The following DRC3 variants were observed in gnomAD, a reference collection of about 807,000 sequenced individuals.
DRC3 encodes the protein dynein regulatory complex subunit 3.
DRC3 carries 45 observed loss-of-function variants against 57.6 expected under a neutral mutation model. The ratio of observed to expected loss-of-function variants is 0.78; its 90% CI spans 0.62 to 1.00. The LOEUF is 1.00. Ranked by LOEUF, DRC3 falls within the 50% of genes least tolerant of loss-of-function variation. The pLI is 0.00. For synonymous variants in DRC3, 257 were observed against 272.3 expected (o/e 0.94, Z 0.55); for missense variants, 655 against 675.2 (o/e 0.97, Z 0.33).
chr17:18,013,071 C>G (rs770288610), intron 12 of DRC3, among the ~76,000 whole-genome samples: 4 of 152,134 alleles, frequency 2.6e-5, no homozygotes, highest in African/African-American at 9.7e-5. Flanking sequence ...CACTAGTTAT[C>G]AGGGAAATGC....
Position 18,007,150 on chromosome 17 carries a change from A to AGGCGGGGCGGGCGGAGCAT in DRC3, c.1326+15_1326+16insGGAGCATGGCGGGGCGGGC. Reference sequence around the variant, plus strand: ...ACCTGCCTAACGACCTGCGCGCGGTAGGCGGGGCGGGCTGCTCGGAGCCTG... The same window carrying AGGCGGGGCGGGCGGAGCAT: ...ACCTGCCTAACGACCTGCGCGCGGTAGGCGGGGCGGGCGGAGCATGGCGGGGCGGGCTGCTCGGAGCCTG... On this transcript the variant is annotated splice_donor_region_variant and intron_variant, in intron 12 of 13. Transcript: ENST00000399187. 2 of 788,518 alleles carry AGGCGGGGCGGGCGGAGCAT rather than the reference A, an allele frequency of 2.5e-6. 1 individual carries two copies. The highest frequency in any genetic ancestry group is 3.4e-6 in the Non-Finnish European group (2 of 596,728). 48.8% of individuals were successfully genotyped at this position (788,518 alleles called of 1,614,324 possible).
At chr17:17,979,201 C>T (rs898861358) in intron 3 of DRC3, among the ~76,000 whole-genome samples, 1 of 152,170 alleles carries the variant, frequency 6.6e-6, no homozygotes, top group East Asian at 1.9e-4. Context: ...GCAGGCTGGA[C>T]CCCGCCTTAT....
chr17:17,990,789 C>T (rs746500236), intron 5 of DRC3, among the ~76,000 whole-genome samples: 1 of 152,100 alleles, frequency 6.6e-6, no homozygotes, highest in Non-Finnish European at 1.5e-5. Flanking sequence ...GTCAGGAATT[C>T]GAGATAAGCT....
At position 18,008,817 on chromosome 17, in the gene DRC3, G is replaced by A. The variant is rs774368732; in HGVS notation, c.1326+1670G>A. ...GACAGACCATCTTGGGGTGGGTGGA[G>A]ATCCCTCCCAGCACAGCTCCCATGT... On this transcript the variant is annotated intron_variant, in intron 12 of 13. Coordinates refer to ENST00000399187, the MANE Select transcript of DRC3 (RefSeq NM_031294.4). The surrounding 1 kb of genome is among the most constrained non-coding windows in gnomAD (Gnocchi z 4.3). 2.0e-5 allele frequency among the ~76,000 whole-genome samples: 3 copies of A among 152,210 alleles called. No homozygotes were observed. Among genetic ancestry groups the A allele is most frequent in the Non-Finnish European group, 2.9e-5 (2 of 68,038 alleles).
At position 18,016,148 on chromosome 17, in the gene DRC3, G is replaced by GCCTCGGCCTCCC. The variant is rs2044354971; in HGVS notation, c.1411_1412insCCTCGGCCTCCC (p.Glu471delinsAlaSerAlaSerGln). 1 of 1,613,870 alleles carries GCCTCGGCCTCCC rather than the reference G, an allele frequency of 6.2e-7. No individual in the cohort carries two copies. The highest frequency in any genetic ancestry group is 1.7e-5 in the Admixed American group (1 of 60,002). ...CCTGAAGATTGACAATCGAGAAGATGAGCTGGTGACCAGAATCAACTCTTG... is the reference window on the plus strand; with the variant it reads ...CCTGAAGATTGACAATCGAGAAGATGCCTCGGCCTCCCAGCTGGTGACCAGAATCAACTCTTG... On this transcript the variant is annotated protein_altering_variant, in exon 13 of 14. Coordinates refer to ENST00000399187, the MANE Select transcript of DRC3 (RefSeq NM_031294.4).
rs1568493081 is a variant in DRC3 at position 17,993,872 on chromosome 17, A to G, written c.592-427A>G. 3.0e-5 allele frequency: 6 copies of G among 198,560 alleles called. No homozygotes were observed. In the South Asian group the frequency reaches 4.2e-4, roughly 14 times the overall value. The allele number at this position is 198,560 out of a possible 1,614,324, so 12.3% of individuals were successfully genotyped here. ...GGGCCAGACCCTCGTGACCAGCCCT[A>G]TGGCCTCACTCTACCTCTGTCCTGT... is the stretch of plus-strand genomic sequence containing the variant. On this transcript the variant is annotated intron_variant, in intron 6 of 13. Coordinates refer to ENST00000399187, the MANE Select transcript of DRC3 (RefSeq NM_031294.4).
At chr17:17,992,742 C>A (rs1032325260) in intron 5 of DRC3, 23 bp from the exon 6 acceptor site, 60 of 1,608,984 alleles carry the variant, frequency 3.7e-5, no homozygotes, top group Middle Eastern at 1.6e-4. Context: ...AGAAAATGGG[C>A]CTTTCTCCCT....
chr17:18,016,240 T>C, intron 13 of DRC3, 45 bp downstream of exon 13: 1 of 1,598,756 alleles, frequency 6.3e-7, no homozygotes, highest in Admixed American at 1.7e-5. Flanking sequence ...TGAACTTTTC[T>C]AGCTGACATG....
chr17:17,976,339 CCT>C (rs1178137870), intron 2 of DRC3, among the ~76,000 whole-genome samples: 1 of 152,176 alleles, frequency 6.6e-6, no homozygotes, highest in Non-Finnish European at 1.5e-5. Context: ...ACAGATCCCC[CCT>C]GTGCTGTGGT....
At chr17:17,973,783 C>T (rs975935946) in intron 1 of DRC3, 69 bp from the exon 2 acceptor site, 25 of 152,188 alleles carry the variant, frequency 1.6e-4, no homozygotes, top group African/African-American at 6.0e-4. Flanking sequence ...CAATTTTCTC[C>T]TTATTAATTC....
chr17:18,006,919 T>A, intron 11 of DRC3, 105 bp from the exon 12 acceptor site: 1 of 1,512,092 alleles, frequency 6.6e-7, no homozygotes, highest in Non-Finnish European at 8.9e-7. Context: ...AGCCAGAATT[T>A]CCGAGCTCGC....
At position 17,983,867 on chromosome 17, in the gene DRC3, T is replaced by G; in HGVS notation, c.200T>G (p.Leu67Trp). Residue 67 changes from leucine (L) to tryptophan (W), a missense_variant, in exon 4 of 14, where the codon TTG (leucine) becomes TGG (tryptophan). Coordinates refer to ENST00000399187, the MANE Select transcript of DRC3 (RefSeq NM_031294.4). ...GACAACCTCTGGCAGTTTGAGAACTTGAGGAAGCTGCAGCTGGACAATAAC... is the reference window on the plus strand; with the variant it reads ...GACAACCTCTGGCAGTTTGAGAACTGGAGGAAGCTGCAGCTGGACAATAAC... ...RIDNLWQFEN[L>W]RKLQLDNNII... The G allele has an allele frequency of 8.1e-6, 13 of 1,613,568 alleles. No homozygotes were observed. Among genetic ancestry groups the G allele is most frequent in the Non-Finnish European group, 1.1e-5 (13 of 1,179,608 alleles).
chr17:17,981,541 C>G (rs2042687872), intron 3 of DRC3: 1 of 153,442 alleles, frequency 6.5e-6, no homozygotes. Flanking sequence ...AGGTGGGCAG[C>G]CACTCCCACA....
chr17:17,977,618 C>G lies in DRC3; in HGVS notation c.20C>G (p.Ser7Trp). 6.2e-7 allele frequency: 1 copy of G among 1,613,958 alleles called. No individual in the cohort carries two copies. Among genetic ancestry groups the G allele is most frequent in the Non-Finnish European group, 8.5e-7 (1 of 1,179,880 alleles). Residue 7 changes from serine (S) to tryptophan (W), a missense_variant, in exon 3 of 14, where the codon TCG becomes TGG. Ser to Trp is a radical substitution (Grantham distance 177). Coordinates refer to ENST00000399187, the MANE Select transcript of DRC3 (RefSeq NM_031294.4). MNQPCNSMEPRVMDDDM... is the reference protein window; with the variant it reads MNQPCNWMEPRVMDDDM... ...GGGAAGATGAACCAGCCGTGCAACTCGATGGAGCCGAGGGTGATGGACGAT... is the reference window on the plus strand; with the variant it reads ...GGGAAGATGAACCAGCCGTGCAACTGGATGGAGCCGAGGGTGATGGACGAT...
chr17:18,011,428 C>A, intron 12 of DRC3: 2 of 260,284 alleles, frequency 7.7e-6, no homozygotes, highest in Non-Finnish European at 1.5e-5. Context: ...CCTGACCAAG[C>A]TCTCTACTGT....
Position 17,979,678 on chromosome 17 carries a change from G to A in DRC3, c.160+1920G>A, listed in dbSNP as rs564121541. Among the ~76,000 whole-genome samples the A allele has an allele frequency of 1.1e-3, 174 of 152,302 alleles. 1 individual carries two copies. Among genetic ancestry groups the A allele is most frequent in the Non-Finnish European group, 1.7e-3 (119 of 68,022 alleles). On this transcript the variant is annotated intron_variant, in intron 3 of 13. Coordinates refer to ENST00000399187, the MANE Select transcript of DRC3 (RefSeq NM_031294.4). Reference sequence around the variant, plus strand: ...TGCTGGCGTGTGTGGCAGAGCACCCGGTGTGCAGGAGCCACAGGGGGAGTG... The same window carrying A: ...TGCTGGCGTGTGTGGCAGAGCACCCAGTGTGCAGGAGCCACAGGGGGAGTG...
chr17:18,012,586 G>T (rs1015511927), intron 12 of DRC3, among the ~76,000 whole-genome samples: 1 of 152,186 alleles, frequency 6.6e-6, no homozygotes, highest in South Asian at 2.1e-4. Context: ...GGATGCTGAG[G>T]TGGGAGGATG....
chr17:17,994,440 C>T (rs776648609), intron 7 of DRC3, 22 bp downstream of exon 7: 15 of 1,548,982 alleles, frequency 9.7e-6, no homozygotes, highest in South Asian at 7.1e-5. Flanking sequence ...GCAGGCTGCA[C>T]GCCCTCGGCC....
chr17:17,998,758 C>G (rs1198198213), intron 9 of DRC3, among the ~76,000 whole-genome samples: 2 of 152,184 alleles, frequency 1.3e-5, no homozygotes, highest in Non-Finnish European at 2.9e-5. Flanking sequence ...CAAGACCCTC[C>G]TTGTTATATT....
Sources: allele counts gnomAD v4.1 joint callset (sites outside exome capture counted in the v4.1 genomes callset), GRCh38; gene constraint gnomAD v4.1.1; non-coding constraint Gnocchi (gnomAD v3.1); transcripts MANE v1.5; gene names NCBI Gene and HGNC (gene_info 2026-07-23, HGNC 2026-07-21).